Variants in CCNL1 observed in about 807,000 individuals in gnomAD.
CCNL1 encodes the protein cyclin L1, also known as cyclin-L1.
CCNL1 carries 13 observed loss-of-function variants against 60.6 expected under a neutral mutation model. The ratio of observed to expected loss-of-function variants is 0.21; its 90% CI spans 0.14 to 0.34. CCNL1 has a LOEUF of 0.34. Among genes scored for constraint, CCNL1 ranks in the 10% least tolerant of loss-of-function variants. The probability of loss-of-function intolerance (pLI) is 1.00; values close to 1 mark genes in which losing one functional copy is unlikely to be tolerated. For missense variants in CCNL1, 481 were observed against 664.3 expected (o/e 0.72, Z 3.03); for synonymous variants, 270 against 244.3 (o/e 1.10, Z -0.98).
intron 3 of CCNL1, among the ~76,000 whole-genome samples, chr3:157,156,251 AT>A (rs1453696255): frequency 6.6e-6 from 1 of 152,232 alleles, no homozygotes. Flanking sequence ...AACATCCTTT[AT>A]AGGTATTTAA....
intron 5 of CCNL1, chr3:157,151,326 T>A: frequency 1.0e-6 from 1 of 985,832 alleles, no homozygotes; most frequent in Non-Finnish European, 1.2e-6. Context: ...GAAACAGTAG[T>A]TGTGGCTGAA....
downstream of CCNL1, among the ~76,000 whole-genome samples, chr3:157,147,149 G>T (rs1160759935): frequency 1.3e-5 from 2 of 152,158 alleles, no homozygotes; most frequent in East Asian, 3.9e-4. Context: ...TTGGAGCCAA[G>T]TCTAGTGGAC....
intron 3 of CCNL1, 197 bp downstream of exon 3, chr3:157,158,669 T>G: frequency 2.2e-6 from 1 of 451,128 alleles, no homozygotes; most frequent in East Asian, 4.4e-5. Context: ...TCTACAAACT[T>G]TAGATAACCG....
intron 4 of CCNL1, 57 bp from the exon 5 acceptor site, chr3:157,152,298 A>G: frequency 6.4e-7 from 1 of 1,571,184 alleles, no homozygotes; most frequent in Non-Finnish European, 8.6e-7. Flanking sequence ...TTCGGAGTAG[A>G]GTTCAATGAA....
chr3:157,160,032 G>C lies in CCNL1; in HGVS notation c.63C>G (p.Ser21Arg). 1 of 1,566,932 alleles carries C rather than the reference G, an allele frequency of 6.4e-7. No homozygotes were observed. The highest frequency in any genetic ancestry group is 1.4e-5 in the African/African-American group (1 of 73,992). The change falls in exon 1 of 11, where the codon AGC (serine) becomes AGG (arginine). Residue 21 changes from serine to arginine, a missense_variant. This residue lies in a region of CCNL1 where 65 missense variants were observed against 57.5 expected (regional missense o/e 1.13). Transcript: ENST00000295926. Reference protein sequence around the residue: ...AAAAASSAAPSAGGSSSGTTT... With the variant: ...AAAAASSAAPRAGGSSSGTTT... ...TCGTCCCGGAGCTGGAGCCGCCCGC[G>C]CTTGGGGCGGCCGATGAGGCGGCTG... is the stretch of plus-strand genomic sequence containing the variant.
At chr3:157,146,038 A>T (rs1196483051), downstream of CCNL1, among the ~76,000 whole-genome samples, 1 of 152,208 alleles carries the variant, frequency 6.6e-6, no homozygotes, top group Non-Finnish European at 1.5e-5. Flanking sequence ...GTTATGTTTT[A>T]AAAATCCTCA....
intron 3 of CCNL1, chr3:157,157,229 A>T (rs960912777): frequency 4.3e-6 from 3 of 690,962 alleles, no homozygotes; most frequent in Non-Finnish European, 6.5e-6. Flanking sequence ...CTCCTTTTAA[A>T]TTTTGCTATA....
chr3:157,159,393 C>A lies in CCNL1; in HGVS notation c.378+12G>T. ...TGAAGAAATCCCTTTTACCCGCCTC[C>A]GCTGTGCTTACCTCGAAACTGTGTT... On this transcript the variant is annotated intron_variant, in intron 2 of 10. Coordinates refer to ENST00000295926, the MANE Select transcript of CCNL1 (RefSeq NM_020307.4). 1 of 1,613,528 alleles carries A rather than the reference C, an allele frequency of 6.2e-7. No individual in the cohort carries two copies. Among genetic ancestry groups the A allele is most frequent in the Non-Finnish European group, 8.5e-7 (1 of 1,179,462 alleles).
At chr3:157,156,389 A>G (rs1022475410) in intron 3 of CCNL1, among the ~76,000 whole-genome samples, 2 of 152,210 alleles carry the variant, frequency 1.3e-5, no homozygotes, top group Admixed American at 6.5e-5. Flanking sequence ...ATACACTGAA[A>G]ATACATTGTA....
Position 157,147,973 on chromosome 3 carries a change from T to G in CCNL1, c.*268A>C, listed in dbSNP as rs776189195. ...ATTTTTACAGAATTCACGCTCCAGT[T>G]CTTATAGCAATAAACAATACACAAC... On this transcript the variant is annotated 3_prime_UTR_variant, in exon 11 of 11. Coordinates refer to ENST00000295926, the MANE Select transcript of CCNL1 (RefSeq NM_020307.4). 5.1e-6 allele frequency: 6 copies of G among 1,180,018 alleles called. No homozygotes were observed. The highest frequency in any genetic ancestry group is 6.3e-6 in the Non-Finnish European group (6 of 954,726). 73.1% of individuals were successfully genotyped at this position (1,180,018 alleles called of 1,614,324 possible).
intron 3 of CCNL1, chr3:157,154,525 C>A (rs1346972574): frequency 2.0e-5 from 3 of 152,222 alleles, no homozygotes; most frequent in African/African-American, 7.2e-5. Flanking sequence ...AAAATGTAAT[C>A]TCATATTTTT....
rs1036843868 is a variant in CCNL1, at chr3:157,160,123, C to T, written c.-29G>A. The T allele has an allele frequency of 2.6e-6, 4 of 1,528,064 alleles. No homozygotes were observed. The highest frequency in any genetic ancestry group is 3.5e-6 in the Non-Finnish European group (4 of 1,135,110). The allele number at this position is 1,528,064 out of a possible 1,614,324, so 94.7% of individuals were successfully genotyped here. A position where few individuals can be genotyped will look rare whatever the true frequency, so the allele number is the denominator to read the frequency against. On this transcript the variant is annotated 5_prime_UTR_variant, in exon 1 of 11. Transcript: ENST00000295926. The stretch of plus-strand genomic sequence containing the variant: ...CTTAGCGAGCCGCACGCAAGCCCAA[C>T]GCAGCCGGAACCCGAAACAAGACTA...
chr3:157,145,364 G>C (rs1372012481), downstream of CCNL1, among the ~76,000 whole-genome samples: 2 of 148,560 alleles, frequency 1.3e-5, no homozygotes, highest in Non-Finnish European at 3.0e-5. Context: ...CATGAACCTG[G>C]GAGTGGGAGC....
downstream of CCNL1, among the ~76,000 whole-genome samples, chr3:157,146,761 CTATT>C (rs1737798412): frequency 6.6e-6 from 1 of 152,144 alleles, no homozygotes; most frequent in African/African-American, 2.4e-5. Flanking sequence ...TCAGAAATAT[CTATT>C]TATAATTCAG....
In CCNL1 at chr3:157,147,640, T is replaced by C; in HGVS notation, c.*601A>G. ...TTTTTCCATATATACAGTGAAGACT[T>C]ACAATAGCTCACAATGCAGTTAAGA... On this transcript the variant is annotated 3_prime_UTR_variant, in exon 11 of 11. Transcript: ENST00000295926. The C allele has an allele frequency of 1.0e-6, 1 of 985,080 alleles. No homozygotes were observed. The highest frequency in any genetic ancestry group is 5.2e-4 in the Middle Eastern group (1 of 1,914). 61.0% of individuals were successfully genotyped at this position (985,080 alleles called of 1,614,324 possible). A position where few individuals can be genotyped will look rare whatever the true frequency, so the allele number is the denominator to read the frequency against.
chr3:157,148,846 T>C, intron 10 of CCNL1: 1 of 428,410 alleles, frequency 2.3e-6, no homozygotes, highest in Non-Finnish European at 4.1e-6. Context: ...CTATGCTTTT[T>C]ATTAAGTATC....
At chr3:157,159,117 TA>T in intron 2 of CCNL1, 142 bp from the exon 3 acceptor site, 2 of 645,026 alleles carry the variant, frequency 3.1e-6, no homozygotes, top group Non-Finnish European at 5.4e-6. Context: ...ATGCTAGTAC[TA>T]TACTTTTTGT....
chr3:157,146,757 A>G (rs892809657), downstream of CCNL1: 5 of 319,486 alleles, frequency 1.6e-5, no homozygotes, highest in Non-Finnish European at 3.1e-5. Flanking sequence ...CTTTTCAGAA[A>G]TATCTATTTA....
At chr3:157,150,427 C>A (rs1738096490) in intron 5 of CCNL1, 46 bp from the exon 6 acceptor site, 1 of 1,579,928 alleles carries the variant, frequency 6.3e-7, no homozygotes, top group Non-Finnish European at 8.6e-7. Flanking sequence ...CAAACCAGTT[C>A]TTCTGAAGCT....
Sources: allele counts gnomAD v4.1 joint callset (sites outside exome capture counted in the v4.1 genomes callset), GRCh38; gene constraint gnomAD v4.1.1; regional missense constraint gnomAD v4.1.1; transcripts MANE v1.5; gene names NCBI Gene and HGNC (gene_info 2026-07-23, HGNC 2026-07-21).